Variants in PLA2R1 observed in about 807,000 individuals in gnomAD.
PLA2R1 encodes phospholipase A2 receptor 1.
Under a neutral mutation model 195.9 loss-of-function variants are expected in PLA2R1, and 158 were observed. That is an observed-to-expected ratio of 0.81 (90% CI 0.71 to 0.92). The LOEUF (loss-of-function observed/expected upper bound fraction) is 0.92. Among genes scored for constraint, PLA2R1 ranks in the 40% least tolerant of loss-of-function variants. The probability of loss-of-function intolerance (pLI) is 0.00; values close to 1 mark genes in which losing one functional copy is unlikely to be tolerated. For synonymous variants in PLA2R1, 586 were observed against 598.2 expected (o/e 0.98, Z 0.30); for missense variants, 1,626 against 1,764.6 (o/e 0.92, Z 1.41).
intron 11 of PLA2R1, 89 bp from the exon 12 acceptor site, chr2:159,987,447 C>T: frequency 2.2e-6 from 2 of 894,286 alleles, no homozygotes; most frequent in Non-Finnish European, 3.5e-6. Context: ...GAATAATTGA[C>T]ATCTCATAAT....
intron 9 of PLA2R1, 135 bp downstream of exon 9, chr2:160,016,479 G>GA (rs796282213): frequency 2.3e-5 from 6 of 257,288 alleles, no homozygotes; most frequent in Admixed American, 1.9e-4. Context: ...GAAGGGGGGG[G>GA]TGCGAGGAGA....
intron 17 of PLA2R1, among the ~76,000 whole-genome samples, chr2:159,971,071 T>C (rs1414565622): frequency 6.6e-6 from 1 of 152,164 alleles, no homozygotes; most frequent in Non-Finnish European, 1.5e-5. Context: ...CTGCATGTTC[T>C]GCACATGTAT....
At chr2:160,001,627 G>T (rs1433117465) in intron 11 of PLA2R1, among the ~76,000 whole-genome samples, 1 of 151,834 alleles carries the variant, frequency 6.6e-6, no homozygotes, top group African/African-American at 2.4e-5. Context: ...AAATGTACTA[G>T]GCCAATACTA....
At chr2:160,019,108 C>A (rs528421094) in intron 8 of PLA2R1, among the ~76,000 whole-genome samples, 3 of 152,226 alleles carry the variant, frequency 2.0e-5, no homozygotes, top group South Asian at 4.2e-4. Flanking sequence ...TAATCAGATG[C>A]TTTAGATAAA....
intron 1 of PLA2R1, among the ~76,000 whole-genome samples, chr2:160,060,549 T>C (rs1695882810): frequency 6.6e-6 from 1 of 152,200 alleles, no homozygotes; most frequent in Non-Finnish European, 1.5e-5. Flanking sequence ...AGCAGCATTT[T>C]CATATCTGAA....
At chr2:160,046,975 T>C (rs993644764) in intron 1 of PLA2R1, among the ~76,000 whole-genome samples, 14 of 152,218 alleles carry the variant, frequency 9.2e-5, no homozygotes, top group African/African-American at 2.7e-4. Context: ...CTAGCTAACC[T>C]AGAGTTCATT....
At chr2:160,007,058 T>C (rs1014977195) in intron 10 of PLA2R1, among the ~76,000 whole-genome samples, 19 of 152,238 alleles carry the variant, frequency 1.2e-4, no homozygotes, top group African/African-American at 3.9e-4. Flanking sequence ...TTTCTGCAGA[T>C]ACTCTATTAA....
In PLA2R1 at chr2:159,996,553, A is replaced by C. The variant is rs777479488; in HGVS notation, c.1834+9099T>G. ...TGCGTTCATCTTGGTTGGTGTTCTCAGAGTTTCCTGGATCTGTGGTTTGGT... is the reference window on the plus strand; with the variant it reads ...TGCGTTCATCTTGGTTGGTGTTCTCCGAGTTTCCTGGATCTGTGGTTTGGT... On this transcript the variant is annotated intron_variant, in intron 11 of 29. Transcript: ENST00000283243. Among the ~76,000 whole-genome samples the C allele has an allele frequency of 3.1e-4, 47 of 152,200 alleles. 1 individual carries two copies. The highest frequency in any genetic ancestry group is 5.0e-4 in the Non-Finnish European group (34 of 67,984).
intron 27 of PLA2R1, chr2:159,946,259 C>G: frequency 1.0e-6 from 1 of 984,972 alleles, no homozygotes; most frequent in Non-Finnish European, 1.2e-6. Context: ...CACCCCCAAC[C>G]TTGGTACACC....
intron 28 of PLA2R1, among the ~76,000 whole-genome samples, chr2:159,943,954 C>T (rs917438285): frequency 6.6e-6 from 1 of 152,090 alleles, no homozygotes; most frequent in Non-Finnish European, 1.5e-5. Context: ...CTCCCCTCCT[C>T]TTTCGTTCCT....
intron 9 of PLA2R1, among the ~76,000 whole-genome samples, chr2:160,016,011 T>A (rs2105445612): frequency 1.3e-5 from 2 of 152,290 alleles, no homozygotes; most frequent in African/African-American, 2.4e-5. Flanking sequence ...AAGCCTGTAA[T>A]CCCGGTACTT....
chr2:159,961,229 G>T (rs1574674597), intron 20 of PLA2R1, among the ~76,000 whole-genome samples: 1 of 152,190 alleles, frequency 6.6e-6, no homozygotes, highest in Non-Finnish European at 1.5e-5. Context: ...CATGCATGGT[G>T]ACTCTGACAT....
rs1160346347 is a variant in PLA2R1, at chr2:159,932,667, A to T, written c.*9111T>A. 1 of 152,244 alleles carries T rather than the reference A, an allele frequency of 6.6e-6. No individual in the cohort carries two copies. The highest frequency in any genetic ancestry group is 1.5e-5 in the Non-Finnish European group (1 of 68,040). The allele number at this position is 152,244 out of a possible 1,614,324, so 9.4% of individuals were successfully genotyped here. On this transcript the variant is annotated 3_prime_UTR_variant, in exon 30 of 30. Coordinates refer to ENST00000283243, the MANE Select transcript of PLA2R1 (RefSeq NM_007366.5). ...AGCTCTGTATACTAAGAAGGTAAAAAGTAAAGTTTAAATAATCTCTTAGAA... is the reference window on the plus strand; with the variant it reads ...AGCTCTGTATACTAAGAAGGTAAAATGTAAAGTTTAAATAATCTCTTAGAA...
rs1693462066 is a variant in PLA2R1, at chr2:160,025,601, A to C, written c.1099+2617T>G. Among the ~76,000 whole-genome samples the C allele has an allele frequency of 2.0e-5, 3 of 150,004 alleles. 1 individual carries two copies. The highest frequency in any genetic ancestry group is 2.1e-4 in the South Asian group (1 of 4,804). On this transcript the variant is annotated intron_variant, in intron 6 of 29. Coordinates refer to ENST00000283243, the MANE Select transcript of PLA2R1 (RefSeq NM_007366.5). ...GTAACCATAAAGCAAAAAAAAAAAAAAAAAAAAAACTATAGCAGATACACA... is the reference window on the plus strand; with the variant it reads ...GTAACCATAAAGCAAAAAAAAAAAACAAAAAAAAACTATAGCAGATACACA...
At position 159,949,769 on chromosome 2, in the gene PLA2R1, A is replaced by G. The variant is rs1348487634; in HGVS notation, c.3548T>C (p.Leu1183Pro). The G allele has an allele frequency of 1.9e-6, 3 of 1,613,604 alleles. No individual in the cohort carries two copies. Among genetic ancestry groups the G allele is most frequent in the East Asian group, 2.2e-5 (1 of 44,882 alleles). ...WIGLFTTDNG[L>P]NFDWSDGTKS... Reference sequence around the variant, plus strand: ...GGTGCCATCAGACCAGTCAAAATTAAGACCATTCTGTGGAGGAAAACTGAG... The same window carrying G: ...GGTGCCATCAGACCAGTCAAAATTAGGACCATTCTGTGGAGGAAAACTGAG... The change falls in exon 25 of 30, where the codon CTT becomes CCT. Residue 1183 changes from leucine to proline, a missense_variant. Transcript: ENST00000283243.
rs144482959 is a variant in PLA2R1 at position 160,055,729 on chromosome 2, G to C, written c.109+6566C>G. Among the ~76,000 whole-genome samples the C allele has an allele frequency of 6.8e-3, 1,032 of 152,194 alleles. 14 individuals carry two copies. The highest frequency in any genetic ancestry group is 0.024 in the African/African-American group (995 of 41,530). On this transcript the variant is annotated intron_variant, in intron 1 of 29. Coordinates refer to ENST00000283243, the MANE Select transcript of PLA2R1 (RefSeq NM_007366.5). ...AACCCTTCTTCATCTGTAAAAGAAG[G>C]GTATGTATTAATGTTGCCTACCTGT...
chr2:159,997,619 A>G (rs1304036536), intron 11 of PLA2R1, among the ~76,000 whole-genome samples: 2 of 152,100 alleles, frequency 1.3e-5, no homozygotes, highest in South Asian at 2.1e-4. Flanking sequence ...AGTCCCCTAC[A>G]GTTTTTAACC....
At chr2:159,926,424 C>T in the PLA2R1 span, among the ~76,000 whole-genome samples, 1 of 152,090 alleles carries the variant, frequency 6.6e-6, no homozygotes, top group Admixed American at 6.5e-5. Flanking sequence ...AGTGTCCACA[C>T]TTATTTTAGA....
intron 12 of PLA2R1, among the ~76,000 whole-genome samples, chr2:159,984,994 T>G (rs557753514): frequency 6.6e-6 from 1 of 152,274 alleles, no homozygotes; most frequent in South Asian, 2.1e-4. Context: ...GGGAACCTCT[T>G]CCCGAATCAC....
Sources: gnomAD v4.1 joint callset for allele counts (sites outside exome capture counted in the v4.1 genomes callset) on GRCh38, gnomAD v4.1.1 for gene constraint, MANE v1.5 for transcripts, NCBI Gene and HGNC (gene_info 2026-07-23, HGNC 2026-07-21) for gene names.